Variants in CADM2 observed in about 807,000 individuals in gnomAD.
CADM2 encodes immunoglobulin superfamily member 4D.
In CADM2, 12 loss-of-function variants were observed where a neutral mutation model predicts 49.8. That is an observed-to-expected ratio of 0.24 (90% confidence interval 0.15 to 0.39). The LOEUF (loss-of-function observed/expected upper bound fraction) is 0.39, where lower values mean the gene tolerates loss of function less well. Among genes scored for constraint, CADM2 ranks in the 10% least tolerant of loss-of-function variants. The pLI is 1.00. For synonymous variants in CADM2, 214 were observed against 175.4 expected, an observed-to-expected ratio of 1.22 and a Z score of -1.74; for missense variants, 378 against 492.3, an observed-to-expected ratio of 0.77 and a Z score of 2.20.
chr3:85,720,242 G>T (rs150347695), intron 1 of CADM2, among the ~76,000 whole-genome samples: 2 of 152,092 alleles, frequency 1.3e-5, no homozygotes, highest in Admixed American at 6.6e-5. Context: ...GACTTTGGAA[G>T]TTCAATGTAG....
chr3:85,097,457 C>T (rs1322025633), intron 1 of CADM2, among the ~76,000 whole-genome samples: 1 of 152,152 alleles, frequency 6.6e-6, no homozygotes, highest in Non-Finnish European at 1.5e-5. Flanking sequence ...CCGCAATAAA[C>T]ATATGTGGGC....
intron 3 of CADM2, among the ~76,000 whole-genome samples, chr3:85,869,371 G>T (rs1463291760): frequency 6.6e-6 from 1 of 151,922 alleles, no homozygotes; most frequent in Admixed American, 6.6e-5. Context: ...TAGCAGGAAG[G>T]TATTTTTTCA....
intron 8 of CADM2, among the ~76,000 whole-genome samples, chr3:85,999,878 T>A (rs1729952389): frequency 6.6e-6 from 1 of 152,012 alleles, no homozygotes; most frequent in East Asian, 1.9e-4. Flanking sequence ...ATGAGAGATA[T>A]AAAACAGATA....
At chr3:85,924,506 C>A (rs1407881053) in intron 6 of CADM2, among the ~76,000 whole-genome samples, 2 of 151,958 alleles carry the variant, frequency 1.3e-5, no homozygotes, top group African/African-American at 2.4e-5. Context: ...GTGGAAGGAT[C>A]CCTTAAGCCC....
chr3:85,977,898 T>G (rs1441383168), intron 8 of CADM2, among the ~76,000 whole-genome samples: 2 of 151,554 alleles, frequency 1.3e-5, no homozygotes, highest in African/African-American at 4.8e-5. Flanking sequence ...GTGTATCCAG[T>G]GTAGAAAATT....
At chr3:85,216,187 G>T (rs2107781525) in intron 1 of CADM2, among the ~76,000 whole-genome samples, 1 of 148,812 alleles carries the variant, frequency 6.7e-6, no homozygotes, top group East Asian at 2.0e-4. Context: ...TTGTTTTCAT[G>T]AAAAAAAAAT....
intron 1 of CADM2, among the ~76,000 whole-genome samples, chr3:85,127,899 C>T (rs2171141): frequency 0.54 from 81,481 of 151,828 alleles, 22,535 homozygotes; most frequent in Non-Finnish European, 0.58. Context: ...ACGTTTGCCC[C>T]AAACAATACA....
chr3:85,325,125 A>G (rs1044423443), intron 1 of CADM2, among the ~76,000 whole-genome samples: 4 of 152,238 alleles, frequency 2.6e-5, no homozygotes, highest in African/African-American at 9.6e-5. Flanking sequence ...TAAAGCACAC[A>G]AATGAAGTTT....
intron 1 of CADM2, among the ~76,000 whole-genome samples, chr3:85,292,482 A>G (rs528427335): frequency 1.3e-5 from 2 of 151,764 alleles, no homozygotes; most frequent in African/African-American, 4.9e-5. Flanking sequence ...TCAACAGAAT[A>G]TACATTTTTT....
At chr3:85,730,867 C>T (rs982306933) in intron 2 of CADM2, among the ~76,000 whole-genome samples, 1 of 151,922 alleles carries the variant, frequency 6.6e-6, no homozygotes, top group Non-Finnish European at 1.5e-5. Context: ...TCTAGAATGC[C>T]AGCTTTTAGA....
At chr3:85,795,206 G>C (rs1181488143) in intron 2 of CADM2, among the ~76,000 whole-genome samples, 1 of 152,008 alleles carries the variant, frequency 6.6e-6, no homozygotes, top group South Asian at 2.1e-4. Context: ...TGAAAAATTA[G>C]TAACTTCTTT....
intron 1 of CADM2, among the ~76,000 whole-genome samples, chr3:85,052,468 A>G (rs147925954): frequency 1.1e-4 from 17 of 152,200 alleles, no homozygotes; most frequent in African/African-American, 4.1e-4. Context: ...CTCAAACTCT[A>G]TCTGGGGTCT....
intron 8 of CADM2, among the ~76,000 whole-genome samples, chr3:85,996,193 A>C (rs1729392103): frequency 6.6e-6 from 1 of 151,348 alleles, no homozygotes; most frequent in South Asian, 2.1e-4. Context: ...GAAGATTTAT[A>C]TTATTTAAAT....
intron 1 of CADM2, among the ~76,000 whole-genome samples, chr3:84,990,984 C>T (rs1259116228): frequency 6.6e-6 from 1 of 151,916 alleles, no homozygotes; most frequent in Non-Finnish European, 1.5e-5. Context: ...CATTAAAGTT[C>T]CATTTCAGTA....
chr3:85,479,850 T>G (rs1576628901), intron 1 of CADM2, among the ~76,000 whole-genome samples: 1 of 151,950 alleles, frequency 6.6e-6, no homozygotes, highest in Non-Finnish European at 1.5e-5. Flanking sequence ...ATTCCCAAAT[T>G]TCTTATAGAA....
chr3:85,964,341 C>G (rs1426585711), intron 8 of CADM2, among the ~76,000 whole-genome samples: 1 of 151,524 alleles, frequency 6.6e-6, no homozygotes, highest in Non-Finnish European at 1.5e-5. Context: ...GTCTTTGACT[C>G]TACCACAATT....
intron 1 of CADM2, among the ~76,000 whole-genome samples, chr3:85,639,422 T>C (rs2064635840): frequency 1.3e-5 from 2 of 152,168 alleles, no homozygotes; most frequent in South Asian, 2.1e-4. Context: ...CTTTAGTAGA[T>C]ACAGGAAAAG....
chr3:85,995,864 T>A (rs895560738), intron 8 of CADM2, among the ~76,000 whole-genome samples: 2 of 151,926 alleles, frequency 1.3e-5, no homozygotes, highest in African/African-American at 4.8e-5. Context: ...CCAAGGCGGG[T>A]GGATCACGAG....
intron 1 of CADM2, among the ~76,000 whole-genome samples, chr3:85,031,719 A>G (rs1320357774): frequency 6.6e-6 from 1 of 151,824 alleles, no homozygotes; most frequent in African/African-American, 2.4e-5. Flanking sequence ...ACGGGGTTTC[A>G]CAGTGTTAGC....
Sources: gnomAD v4.1 joint callset for allele counts (sites outside exome capture counted in the v4.1 genomes callset) on GRCh38, gnomAD v4.1.1 for gene constraint, MANE v1.5 for transcripts, NCBI Gene and HGNC (gene_info 2026-07-23, HGNC 2026-07-21) for gene names.